EXOC2: variants seen among roughly 807,000 people sequenced by gnomAD.
EXOC2 encodes the protein SEC5-like 1.
In EXOC2, 70 loss-of-function variants were observed where a neutral mutation model predicts 131.8. That is an observed-to-expected ratio of 0.53 (90% CI 0.44 to 0.65). EXOC2 has a LOEUF of 0.65. Ranked by LOEUF, EXOC2 falls within the 30% of genes least tolerant of loss-of-function variation. The pLI, the probability that EXOC2 is intolerant of heterozygous loss-of-function variation, is 0.00. For synonymous variants in EXOC2, 411 were observed against 398.4 expected (o/e 1.03, Z -0.38); for missense variants, 923 against 1,108.6 (o/e 0.83, Z 2.38).
At chr6:532,430 T>C in intron 23 of EXOC2, 39 bp downstream of exon 23, 1 of 1,461,146 alleles carries the variant, frequency 6.8e-7, no homozygotes, top group Non-Finnish European at 9.0e-7. Flanking sequence ...TTGATAAAAG[T>C]ATATCCACAT....
At chr6:619,955 G>A (rs892314300) in intron 4 of EXOC2, among the ~76,000 whole-genome samples, 3 of 152,172 alleles carry the variant, frequency 2.0e-5, no homozygotes, top group Non-Finnish European at 2.9e-5. Flanking sequence ...TTGTTAAAAT[G>A]ATTTTTGTTA....
intron 1 of EXOC2, among the ~76,000 whole-genome samples, chr6:645,460 T>C (rs1341275311): frequency 1.3e-5 from 2 of 152,296 alleles, no homozygotes; most frequent in East Asian, 1.9e-4. Context: ...TAAAATCTTC[T>C]GCTTATCAAG....
At chr6:503,496 T>C (rs897405680) in intron 23 of EXOC2, among the ~76,000 whole-genome samples, 3 of 152,246 alleles carry the variant, frequency 2.0e-5, no homozygotes, top group Non-Finnish European at 4.4e-5. Context: ...GCCCTGATGA[T>C]GTGGTATTTA....
intron 10 of EXOC2, among the ~76,000 whole-genome samples, chr6:592,854 C>A (rs1230152078): frequency 1.3e-5 from 2 of 151,912 alleles, no homozygotes; most frequent in African/African-American, 4.8e-5. Flanking sequence ...GCTGAAACCC[C>A]GTCGCTACTA....
At chr6:570,739 A>G (rs1336472642) in intron 13 of EXOC2, among the ~76,000 whole-genome samples, 1 of 152,240 alleles carries the variant, frequency 6.6e-6, no homozygotes, top group African/African-American at 2.4e-5. Flanking sequence ...GCCTAAGGTC[A>G]CGGCTAGGAA....
chr6:656,064 A>G (rs759793191), intron 1 of EXOC2: 2 of 1,452,672 alleles, frequency 1.4e-6, no homozygotes, highest in Non-Finnish European at 1.9e-6. Context: ...TTTAGTTTTG[A>G]AAAGATCAAA....
intron 23 of EXOC2, among the ~76,000 whole-genome samples, chr6:501,655 A>G (rs1229774782): frequency 3.6e-5 from 4 of 110,718 alleles, no homozygotes; most frequent in Admixed American, 1.3e-4. Context: ...ATATAGATAG[A>G]TATATCTATC....
chr6:528,293 A>G (rs1414247913), intron 23 of EXOC2, among the ~76,000 whole-genome samples: 1 of 152,240 alleles, frequency 6.6e-6, no homozygotes, highest in Non-Finnish European at 1.5e-5. Context: ...AGTTACCTAC[A>G]TGATTTGCAA....
intron 22 of EXOC2, among the ~76,000 whole-genome samples, chr6:541,847 G>A (rs1475337749): frequency 1.3e-5 from 2 of 152,102 alleles, no homozygotes; most frequent in Admixed American, 6.5e-5. Context: ...CTACCAGAGC[G>A]TTTTTCTAAA....
intron 1 of EXOC2, among the ~76,000 whole-genome samples, chr6:650,489 T>C (rs113916933): frequency 0.018 from 2,744 of 152,326 alleles, 57 homozygotes; most frequent in African/African-American, 0.058. Context: ...AATTTCTGTA[T>C]TGTAAAACGT....
chr6:668,404 G>A (rs928743681), intron 1 of EXOC2, among the ~76,000 whole-genome samples: 18 of 152,152 alleles, frequency 1.2e-4, no homozygotes, highest in African/African-American at 4.1e-4. Context: ...GGTGAAAGAA[G>A]TGCTGTTCTC....
intron 26 of EXOC2, among the ~76,000 whole-genome samples, chr6:490,514 C>G (rs1403460882): frequency 1.3e-5 from 2 of 152,186 alleles, no homozygotes; most frequent in Non-Finnish European, 2.9e-5. Flanking sequence ...AGAATGACAG[C>G]AAGCCATGTT....
intron 1 of EXOC2, among the ~76,000 whole-genome samples, chr6:665,732 G>A (rs1763615154): frequency 6.6e-6 from 1 of 151,966 alleles, no homozygotes; most frequent in Non-Finnish European, 1.5e-5. Flanking sequence ...TAAGCTATGA[G>A]GATGCAAAGG....
At chr6:647,908 ACTTT>A (rs1430098816) in intron 1 of EXOC2, among the ~76,000 whole-genome samples, 1 of 151,960 alleles carries the variant, frequency 6.6e-6, no homozygotes, top group Non-Finnish European at 1.5e-5. Flanking sequence ...AGTCTGATCT[ACTTT>A]CTTATTTATG....
At chr6:553,289 T>A (rs1056110881) in intron 21 of EXOC2, among the ~76,000 whole-genome samples, 4 of 152,158 alleles carry the variant, frequency 2.6e-5, no homozygotes, top group Non-Finnish European at 4.4e-5. Flanking sequence ...TGATAATATA[T>A]GTTTGTGAAT....
intron 22 of EXOC2, among the ~76,000 whole-genome samples, chr6:532,990 CAAG>C (rs1181068401): frequency 2.0e-5 from 3 of 151,992 alleles, no homozygotes; most frequent in African/African-American, 2.4e-5. Flanking sequence ...ATCTTCTTCA[CAAG>C]AAGAAGGAGA....
chr6:687,684 C>CT, intron 1 of EXOC2, among the ~76,000 whole-genome samples: 1 of 152,156 alleles, frequency 6.6e-6, no homozygotes, highest in Non-Finnish European at 1.5e-5. Flanking sequence ...ATGTCCCAGG[C>CT]ATTACCCTGA....
At chr6:651,206 TG>T (rs1762815003) in intron 1 of EXOC2, among the ~76,000 whole-genome samples, 2 of 152,172 alleles carry the variant, frequency 1.3e-5, no homozygotes, top group African/African-American at 4.8e-5. Context: ...AATTTTTTTT[TG>T]TATTTTTAAT....
chr6:573,188 T>G (rs1758382749), intron 12 of EXOC2, among the ~76,000 whole-genome samples: 1 of 152,044 alleles, frequency 6.6e-6, no homozygotes, highest in African/African-American at 2.4e-5. Context: ...ATAAAGAAAT[T>G]TAAGAAAAAC....
Sources: allele counts gnomAD v4.1 joint callset (sites outside exome capture counted in the v4.1 genomes callset), GRCh38; gene constraint gnomAD v4.1.1; transcripts MANE v1.5; gene names NCBI Gene and HGNC (gene_info 2026-07-23, HGNC 2026-07-21).